The following LRRK2 variants were observed in gnomAD, a reference collection of about 807,000 sequenced individuals.
LRRK2 encodes leucine-rich repeat serine/threonine-protein kinase 2.
In LRRK2, 203 loss-of-function variants were observed where a neutral mutation model predicts 302.6. The observed-to-expected ratio is 0.67, with a 90% CI of 0.60 to 0.75. The LOEUF (loss-of-function observed/expected upper bound fraction) is 0.75. LRRK2 is among the 30% of genes least tolerant of loss of function. The pLI, the probability that LRRK2 is intolerant of heterozygous loss-of-function variation, is 0.00. For missense variants in LRRK2, 2,830 were observed against 2,951.0 expected, an observed-to-expected ratio of 0.96 and a Z score of 0.95; for synonymous variants, 1,066 against 1,031.9, an observed-to-expected ratio of 1.03 and a Z score of -0.63.
intron 14 of LRRK2, among the ~76,000 whole-genome samples, chr12:40,272,223 A>G (rs748036407): frequency 5.3e-5 from 8 of 152,212 alleles, no homozygotes; most frequent in Non-Finnish European, 1.2e-4. Flanking sequence ...CCAAACAGGA[A>G]TGCTGGTACT....
intron 25 of LRRK2, among the ~76,000 whole-genome samples, chr12:40,300,562 C>A (rs1944585220): frequency 6.6e-6 from 1 of 152,100 alleles, no homozygotes. Context: ...ATGATCAAAG[C>A]CATCTTAATT....
At chr12:40,355,417 A>G (rs1018162176) in intron 45 of LRRK2, among the ~76,000 whole-genome samples, 2 of 151,872 alleles carry the variant, frequency 1.3e-5, no homozygotes, top group South Asian at 4.2e-4. Flanking sequence ...TGTCAATGTG[A>G]TTAGGCCATC....
chr12:40,325,470 ACT>A (rs778748023), intron 38 of LRRK2, among the ~76,000 whole-genome samples: 32 of 152,122 alleles, frequency 2.1e-4, no homozygotes, highest in South Asian at 6.2e-4. Context: ...TGGATAACTA[ACT>A]CTTTCTTATC....
At chr12:40,230,670 T>TC (rs1941135473) in intron 2 of LRRK2, among the ~76,000 whole-genome samples, 9 of 121,956 alleles carry the variant, frequency 7.4e-5, no homozygotes, top group Non-Finnish European at 8.7e-5. Context: ...CACTTTCTCT[T>TC]TTTTTTTTTT....
chr12:40,246,431 T>A (rs1941987666), intron 7 of LRRK2, among the ~76,000 whole-genome samples: 1 of 152,092 alleles, frequency 6.6e-6, no homozygotes, highest in South Asian at 2.1e-4. Flanking sequence ...TTTGGCAGCC[T>A]CTTGTTTTTT....
intron 14 of LRRK2, among the ~76,000 whole-genome samples, chr12:40,265,159 C>A (rs1250430560): frequency 6.6e-6 from 1 of 151,974 alleles, no homozygotes; most frequent in Non-Finnish European, 1.5e-5. Context: ...TTGAGTATGG[C>A]AAGAATTTAT....
chr12:40,264,820 G>A lies in LRRK2; in HGVS notation c.1656+919G>A, dbSNP rs147136292. On this transcript the variant is annotated intron_variant, in intron 14 of 50. Coordinates refer to ENST00000298910, the MANE Select transcript of LRRK2 (RefSeq NM_198578.4). ...TACTGAGTATGAAAAAGAGAAGAAGGGAATTACATTTAAATTGTGTAATGC... is the reference window on the plus strand; with the variant it reads ...TACTGAGTATGAAAAAGAGAAGAAGAGAATTACATTTAAATTGTGTAATGC... Among the ~76,000 whole-genome samples, 639 of 152,190 alleles carry A rather than the reference G, an allele frequency of 4.2e-3. 4 individuals carry two copies. Among genetic ancestry groups the A allele is most frequent in the South Asian group, 0.015 (71 of 4,822 alleles).
chr12:40,240,683 T>C, intron 6 of LRRK2, 66 bp downstream of exon 6: 1 of 1,434,856 alleles, frequency 7.0e-7, no homozygotes. Context: ...TCATTCTGAG[T>C]ATATTTTAAC....
chr12:40,296,640 A>T (rs1262691580), intron 23 of LRRK2, among the ~76,000 whole-genome samples: 6 of 152,182 alleles, frequency 3.9e-5, no homozygotes, highest in Admixed American at 1.3e-4. Flanking sequence ...TCAAAAAAAA[A>T]AAAGTCTTGT....
chr12:40,247,224 T>C (rs528492429), intron 7 of LRRK2, among the ~76,000 whole-genome samples: 1 of 152,118 alleles, frequency 6.6e-6, no homozygotes, highest in Non-Finnish European at 1.5e-5. Flanking sequence ...TTAGGAAATT[T>C]CCTAGTTTCA....
At chr12:40,310,767 T>C in intron 31 of LRRK2, 118 bp downstream of exon 31, 1 of 964,442 alleles carries the variant, frequency 1.0e-6, no homozygotes, top group Non-Finnish European at 1.6e-6. Context: ...TCCTTGTTGC[T>C]GTTAGCATTA....
chr12:40,338,496 A>G (rs1815581972), intron 40 of LRRK2, among the ~76,000 whole-genome samples: 2 of 152,236 alleles, frequency 1.3e-5, no homozygotes, highest in Non-Finnish European at 2.9e-5. Context: ...TTAATAAAAT[A>G]TTTGACAATA....
At chr12:40,236,242 G>A (rs947189674) in intron 4 of LRRK2, among the ~76,000 whole-genome samples, 1 of 152,088 alleles carries the variant, frequency 6.6e-6, no homozygotes. Context: ...TAGATGCCAG[G>A]CTTCACAAGT....
In LRRK2 at chr12:40,305,824, C is replaced by G. The variant is rs142252962; in HGVS notation, c.3817C>G (p.Leu1273Val). The change falls in exon 28 of 51, where the codon CTG becomes GTG. Residue 1273 changes from leucine (L) to valine (V), a missense_variant. This residue lies in a region of LRRK2 where 2,121 missense variants were observed against 2,148.0 expected (regional missense o/e 0.99). Coordinates refer to ENST00000298910, the MANE Select transcript of LRRK2 (RefSeq NM_198578.4). ...TGGCTGTCTTGAAAATCTGACATCT[C>G]TGGATGTCAGTTACAACTTGGAACT... ...EIGCLENLTS[L>V]DVSYNLELRS... is the part of the protein sequence containing the mutation. 6.2e-7 allele frequency: 1 copy of G among 1,613,442 alleles called. No individual in the cohort carries two copies. Among genetic ancestry groups the G allele is most frequent in the Non-Finnish European group, 8.5e-7 (1 of 1,179,660 alleles).
intron 7 of LRRK2, among the ~76,000 whole-genome samples, chr12:40,247,565 TAAATATAC>T (rs1942048034): frequency 2.0e-5 from 2 of 100,488 alleles, no homozygotes; most frequent in Non-Finnish European, 5.1e-5. Flanking sequence ...CAGATGTATA[TAAATATAC>T]ATATTTATAC....
intron 49 of LRRK2, chr12:40,365,969 G>T (rs1195593735): frequency 6.6e-6 from 1 of 151,966 alleles, no homozygotes; most frequent in African/African-American, 2.4e-5. Context: ...TACCAAAGTT[G>T]TTGCATTCTC....
chr12:40,293,040 T>C (rs937136599), intron 20 of LRRK2, among the ~76,000 whole-genome samples: 2 of 152,014 alleles, frequency 1.3e-5, no homozygotes, highest in Non-Finnish European at 2.9e-5. Flanking sequence ...TTGAAAAATT[T>C]ATAAGAAAAA....
intron 46 of LRRK2, among the ~76,000 whole-genome samples, chr12:40,356,524 A>C (rs543974549): frequency 5.7e-4 from 87 of 152,330 alleles, no homozygotes; most frequent in African/African-American, 1.9e-3. Flanking sequence ...TAAGTTTTAA[A>C]TATGGCTTGC....
intron 21 of LRRK2, 101 bp from the exon 22 acceptor site, chr12:40,294,744 A>G: frequency 3.1e-6 from 2 of 643,286 alleles, no homozygotes; most frequent in Admixed American, 5.5e-5. Flanking sequence ...CATAATTATA[A>G]ATACCATTAA....
Sources: gnomAD v4.1 joint callset for allele counts (sites outside exome capture counted in the v4.1 genomes callset) on GRCh38, gnomAD v4.1.1 for gene constraint, gnomAD v4.1.1 regional missense constraint, MANE v1.5 for transcripts, NCBI Gene and HGNC (gene_info 2026-07-23, HGNC 2026-07-21) for gene names.